Variants in PDE4D observed in about 807,000 individuals in gnomAD.
The protein encoded by PDE4D is 3',5'-cyclic-AMP phosphodiesterase 4D.
In PDE4D, 24 loss-of-function variants were observed where a neutral mutation model predicts 87.4. The observed-to-expected ratio is 0.27, with a 90% CI of 0.20 to 0.39. The LOEUF (loss-of-function observed/expected upper bound fraction) is 0.39, where lower values mean the gene tolerates loss of function less well. Ranked by LOEUF, PDE4D falls within the 10% of genes least tolerant of loss-of-function variation. The pLI is 1.00. For missense variants in PDE4D, 714 were observed against 1,041.0 expected (o/e 0.69, Z 4.32); for synonymous variants, 384 against 383.2 (o/e 1.00, Z -0.02).
chr5:59,197,997 G>A (rs1483884440), intron 2 of PDE4D, among the ~76,000 whole-genome samples: 1 of 152,146 alleles, frequency 6.6e-6, no homozygotes. Context: ...TTCTGAGATG[G>A]GAAGAGACTA....
At chr5:59,839,866 TA>T (rs1480849131) in intron 1 of PDE4D, among the ~76,000 whole-genome samples, 1 of 152,084 alleles carries the variant, frequency 6.6e-6, no homozygotes, top group Non-Finnish European at 1.5e-5. Context: ...GGAGAGGTTA[TA>T]AACTGGACTG....
Position 59,438,467 on chromosome 5 carries a change from A to C in PDE4D, c.456-222499T>G, listed in dbSNP as rs569985672. The stretch of plus-strand genomic sequence containing the variant: ...TCTCTGAAAATAGTAGATGCAAGGT[A>C]AATATTTATTACTAAAAAGATGTGC... On this transcript the variant is annotated intron_variant, in intron 1 of 14. Coordinates refer to ENST00000340635, the MANE Select transcript of PDE4D (RefSeq NM_001104631.2). 2.3e-4 allele frequency among the ~76,000 whole-genome samples: 35 copies of C among 152,320 alleles called. No individual in the cohort carries two copies. The South Asian group carries it at 3.1e-3, about 14-fold the overall frequency.
chr5:59,568,038 T>G (rs140068292), intron 1 of PDE4D, among the ~76,000 whole-genome samples: 15 of 152,292 alleles, frequency 9.8e-5, no homozygotes, highest in Non-Finnish European at 1.9e-4. Flanking sequence ...TTTAATACCA[T>G]TTTCCAATGA....
intron 1 of PDE4D, among the ~76,000 whole-genome samples, chr5:60,291,020 C>T (rs982297956): frequency 6.6e-6 from 1 of 152,136 alleles, no homozygotes; most frequent in African/African-American, 2.4e-5. Flanking sequence ...TGCACTGTCT[C>T]GAAGGAATGT....
intron 5 of PDE4D, among the ~76,000 whole-genome samples, chr5:59,099,179 G>A (rs576403218): frequency 5.3e-4 from 81 of 152,272 alleles, no homozygotes; most frequent in African/African-American, 1.9e-3. Context: ...ATGGAATTTG[G>A]TCTAATCCCT....
chr5:59,762,927 T>G (rs866312427), intron 1 of PDE4D, among the ~76,000 whole-genome samples: 82 of 139,118 alleles, frequency 5.9e-4, no homozygotes, highest in African/African-American at 2.1e-3. Context: ...TATGGCATAT[T>G]ATGGAGATAT....
At chr5:59,561,831 C>T (rs1022037074) in intron 1 of PDE4D, among the ~76,000 whole-genome samples, 1 of 151,704 alleles carries the variant, frequency 6.6e-6, no homozygotes, top group Non-Finnish European at 1.5e-5. Flanking sequence ...ATTTGGGAGG[C>T]TGAGGCCGGA....
chr5:59,722,378 GAATAAAAAGTCAA>G (rs1238272738), intron 1 of PDE4D, among the ~76,000 whole-genome samples: 1 of 152,170 alleles, frequency 6.6e-6, no homozygotes, highest in African/African-American at 2.4e-5. Flanking sequence ...AATTTAGGCT[GAATAAAAAGTCAA>G]AGCACAGTGC....
chr5:59,185,856 A>G (rs1742792733), intron 3 of PDE4D, among the ~76,000 whole-genome samples: 2 of 152,214 alleles, frequency 1.3e-5, no homozygotes, highest in Admixed American at 6.5e-5. Context: ...GTACATGCAC[A>G]ATGCTTGGCA....
intron 1 of PDE4D, among the ~76,000 whole-genome samples, chr5:59,551,950 T>A (rs1208630952): frequency 6.6e-6 from 1 of 152,168 alleles, no homozygotes; most frequent in African/African-American, 2.4e-5. Flanking sequence ...GCACAGTGGT[T>A]CACACCTATA....
intron 1 of PDE4D, among the ~76,000 whole-genome samples, chr5:60,402,675 C>T (rs1209196826): frequency 3.3e-5 from 5 of 152,176 alleles, no homozygotes; most frequent in East Asian, 1.9e-4. Context: ...TTGAAGATCA[C>T]GTTTGGAGCA....
In PDE4D at chr5:59,909,987, C is replaced by T. The variant is rs538760307; in HGVS notation, c.272+78501G>A. 3.9e-5 allele frequency among the ~76,000 whole-genome samples: 6 copies of T among 152,264 alleles called. No individual in the cohort carries two copies. In the East Asian group the frequency reaches 1.2e-3, roughly 29 times the overall value. ...CCCATATATACCCCCCACCATCGTACTTCTCTGCAACGTGGAAAAACCTCT... is the reference window on the plus strand; with the variant it reads ...CCCATATATACCCCCCACCATCGTATTTCTCTGCAACGTGGAAAAACCTCT... On this transcript the variant is annotated intron_variant, in intron 3 of 16. Coordinates refer to the PDE4D transcript ENST00000502484.
chr5:60,370,299 G>T (rs1760911127), intron 1 of PDE4D, among the ~76,000 whole-genome samples: 1 of 152,088 alleles, frequency 6.6e-6, no homozygotes, highest in Non-Finnish European at 1.5e-5. Context: ...GCCCCAACTT[G>T]CATGTTCAAT....
intron 6 of PDE4D, among the ~76,000 whole-genome samples, chr5:59,023,233 C>G (rs894724160): frequency 6.6e-6 from 1 of 151,832 alleles, no homozygotes; most frequent in African/African-American, 2.4e-5. Context: ...AACACTTGTT[C>G]TTCTATCTCT....
At chr5:59,901,532 C>T (rs1285119119) in intron 3 of PDE4D, among the ~76,000 whole-genome samples, 1 of 151,962 alleles carries the variant, frequency 6.6e-6, no homozygotes. Context: ...AACATAGCAA[C>T]CCATGTAACT....
At chr5:59,714,047 G>A (rs1040374012) in intron 1 of PDE4D, among the ~76,000 whole-genome samples, 2 of 152,120 alleles carry the variant, frequency 1.3e-5, no homozygotes, top group Admixed American at 6.5e-5. Flanking sequence ...GCCTGGGTCC[G>A]TCATCTCAGC....
intron 5 of PDE4D, among the ~76,000 whole-genome samples, chr5:59,165,635 T>C (rs1020144184): frequency 6.6e-6 from 1 of 152,198 alleles, no homozygotes; most frequent in African/African-American, 2.4e-5. Flanking sequence ...ATATTATTAT[T>C]GTGCTTACTT....
At chr5:60,047,333 A>G (rs1226324883) in intron 2 of PDE4D, among the ~76,000 whole-genome samples, 8 of 151,844 alleles carry the variant, frequency 5.3e-5, no homozygotes, top group Non-Finnish European at 1.0e-4. Flanking sequence ...TGGATTCATT[A>G]ATTTTTTGAA....
At chr5:59,668,595 G>C (rs1241851565) in intron 1 of PDE4D, among the ~76,000 whole-genome samples, 1 of 151,792 alleles carries the variant, frequency 6.6e-6, no homozygotes, top group Non-Finnish European at 1.5e-5. Flanking sequence ...TGTAGTCCCA[G>C]CTACTCAGAG....
Sources: allele counts gnomAD v4.1 joint callset (sites outside exome capture counted in the v4.1 genomes callset), GRCh38; gene constraint gnomAD v4.1.1; transcripts MANE v1.5; gene names NCBI Gene and HGNC (gene_info 2026-07-23, HGNC 2026-07-21).